Variants in KIF2A observed in about 807,000 individuals in gnomAD.
KIF2A encodes kinesin family member 2A.
KIF2A carries 22 observed loss-of-function variants against 100.2 expected under a neutral mutation model. The ratio of observed to expected loss-of-function variants is 0.22; its 90% CI spans 0.16 to 0.31. The LOEUF is 0.31. Ranked by LOEUF, KIF2A falls within the 10% of genes least tolerant of loss-of-function variation. KIF2A has a pLI of 1.00. For synonymous variants in KIF2A, 268 were observed against 285.9 expected, an observed-to-expected ratio of 0.94 and a Z score of 0.63; for missense variants, 495 against 898.7, an observed-to-expected ratio of 0.55 and a Z score of 5.74.
At chr5:62,363,533 G>A (rs1740916662) in intron 13 of KIF2A, among the ~76,000 whole-genome samples, 162 bp from the exon 14 acceptor site, 1 of 152,130 alleles carries the variant, frequency 6.6e-6, no homozygotes, top group Admixed American at 6.5e-5. Context: ...GTATGAATCT[G>A]GTTCTATTTA....
At chr5:62,372,963 G>A (rs978809625) in intron 17 of KIF2A, among the ~76,000 whole-genome samples, 5 of 151,908 alleles carry the variant, frequency 3.3e-5, no homozygotes, top group African/African-American at 1.2e-4. Flanking sequence ...TTGGCCGGGC[G>A]TGGTGGCTCA....
chr5:62,359,987 CT>C (rs879378376), intron 9 of KIF2A, among the ~76,000 whole-genome samples: 192 of 145,286 alleles, frequency 1.3e-3, no homozygotes, highest in Non-Finnish European at 1.5e-3. Flanking sequence ...TGTTTTCCAT[CT>C]TTTTTTTTTT....
At chr5:62,324,748 A>G (rs188386455) in intron 1 of KIF2A, among the ~76,000 whole-genome samples, 3 of 152,356 alleles carry the variant, frequency 2.0e-5, no homozygotes, top group East Asian at 3.9e-4. Context: ...ACCTCAAACT[A>G]TAAAACCACT....
Position 62,306,471 on chromosome 5 carries a change from T to A in KIF2A, c.-2T>A. On this transcript the variant is annotated 5_prime_UTR_variant, in exon 1 of 21. Coordinates refer to ENST00000407818, the MANE Select transcript of KIF2A (RefSeq NM_001098511.3). ...CCCGCTGCTGCTGCTCCAGATGAGG[T>A]GATGGCAACGGCCAACTTCGGCAAG... 6.6e-7 allele frequency: 1 copy of A among 1,517,640 alleles called. No homozygotes were observed. The highest frequency in any genetic ancestry group is 8.9e-7 in the Non-Finnish European group (1 of 1,129,652). 94.0% of individuals were successfully genotyped at this position (1,517,640 alleles called of 1,614,324 possible). A position where few individuals can be genotyped will look rare whatever the true frequency, so the allele number is the denominator to read the frequency against.
chr5:62,362,456 A>G lies in KIF2A; in HGVS notation c.1034A>G (p.Asp345Gly). 1 of 1,426,724 alleles carries G rather than the reference A, an allele frequency of 7.0e-7. No homozygotes were observed. Among genetic ancestry groups the G allele is most frequent in the Non-Finnish European group, 9.2e-7 (1 of 1,087,526 alleles). The allele number at this position is 1,426,724 out of a possible 1,614,324, so 88.4% of individuals were successfully genotyped here. A position where few individuals can be genotyped will look rare whatever the true frequency, so the allele number is the denominator to read the frequency against. Reference protein sequence around the residue: ...SKGIYALAARDVFLMLKKPNY... With the variant: ...SKGIYALAARGVFLMLKKPNY... ...TATATGAAATTTTTGACAGCTCGAG[A>G]TGTCTTTTTAATGCTAAAGAAGCCA... is the stretch of plus-strand genomic sequence containing the variant. The change falls in exon 12 of 21, where the codon GAT (aspartate) becomes GGT (glycine). Residue 345 changes from aspartate (D) to glycine (G), a missense_variant. Physicochemically the swap from Asp to Gly is moderately conservative, Grantham distance 94 (BLOSUM62 -1). Around this residue, in one of 10 missense-constraint regions of KIF2A, gnomAD observed 109 missense variants for 244.2 expected, o/e 0.45. Coordinates refer to ENST00000407818, the MANE Select transcript of KIF2A (RefSeq NM_001098511.3).
chr5:62,327,873 C>T (rs1489587916), intron 1 of KIF2A, among the ~76,000 whole-genome samples: 1 of 152,148 alleles, frequency 6.6e-6, no homozygotes, highest in African/African-American at 2.4e-5. Context: ...TAACATTGCA[C>T]TAACTGTTGA....
chr5:62,360,253 G>A (rs1033748428), intron 9 of KIF2A, among the ~76,000 whole-genome samples: 1 of 151,846 alleles, frequency 6.6e-6, no homozygotes, highest in Non-Finnish European at 1.5e-5. Flanking sequence ...GCCTCCCAAA[G>A]TGTTGGGATT....
intron 4 of KIF2A, among the ~76,000 whole-genome samples, chr5:62,350,926 G>A (rs1747821418): frequency 6.9e-6 from 1 of 145,872 alleles, no homozygotes; most frequent in Non-Finnish European, 1.5e-5. Context: ...AAAAAAAAAA[G>A]ATTTTTAAAA....
At chr5:62,361,377 TCTTTTC>T in intron 10 of KIF2A, 45 bp downstream of exon 10, 1 of 1,477,576 alleles carries the variant, frequency 6.8e-7, no homozygotes, top group Non-Finnish European at 9.5e-7. Context: ...AGCTACAGTT[TCTTTTC>T]CTTATAGCTT....
In KIF2A at chr5:62,306,388, T is replaced by TC; in HGVS notation, c.-82dup. ...CGCGGCCGCGGGCAACCGCTCCCCC[T>TC]CCCACACCTACCCCGCCCCCTCCCC... is the stretch of plus-strand genomic sequence containing the variant. On this transcript the variant is annotated 5_prime_UTR_variant, in exon 1 of 21. Coordinates refer to ENST00000407818, the MANE Select transcript of KIF2A (RefSeq NM_001098511.3). 1.9e-5 allele frequency: 7 copies of TC among 366,052 alleles called. No homozygotes were observed. Among genetic ancestry groups the TC allele is most frequent in the Admixed American group, 4.2e-5 (1 of 23,610 alleles). 22.7% of individuals were successfully genotyped at this position (366,052 alleles called of 1,614,324 possible).
intron 20 of KIF2A, among the ~76,000 whole-genome samples, chr5:62,381,962 T>TTGAC (rs1741790671): frequency 6.6e-6 from 1 of 152,218 alleles, no homozygotes; most frequent in Admixed American, 6.5e-5. Context: ...GTCGTGTCTT[T>TTGAC]TTGGTTTTTT....
chr5:62,316,970 T>A (rs1308717697), intron 1 of KIF2A, among the ~76,000 whole-genome samples: 1 of 152,196 alleles, frequency 6.6e-6, no homozygotes, highest in Non-Finnish European at 1.5e-5. Flanking sequence ...ATGCATAGTC[T>A]ATTGGCCAAT....
At position 62,386,808 on chromosome 5, in the gene KIF2A, A is replaced by G. The variant is rs912983054; in HGVS notation, c.*1239A>G. On this transcript the variant is annotated 3_prime_UTR_variant, in exon 21 of 21. Transcript: ENST00000407818. ...TGCTACTTTTTAAACAGCAGCACTTATTTTTACAGATTGCTACTCCAAGGA... is the reference window on the plus strand; with the variant it reads ...TGCTACTTTTTAAACAGCAGCACTTGTTTTTACAGATTGCTACTCCAAGGA... Among the ~76,000 whole-genome samples the G allele has an allele frequency of 2.0e-5, 3 of 152,194 alleles. No individual in the cohort carries two copies. The East Asian group carries it at 5.8e-4, about 29-fold the overall frequency.
In KIF2A at chr5:62,307,373, A is replaced by AT. The variant is rs555078087; in HGVS notation, c.64+848dup. On this transcript the variant is annotated intron_variant, in intron 1 of 20. Transcript: ENST00000407818. ...AAGGCGAGGTGAAGACACATGCTTC[A>AT]TTTTTTTTTTTAAGAGCCTTAGGCT... Among the ~76,000 whole-genome samples the AT allele has an allele frequency of 4.4e-4, 64 of 146,206 alleles. 1 individual carries two copies. The South Asian group carries it at 7.5e-3, about 17-fold the overall frequency.
chr5:62,359,553 G>C (rs778255160), intron 9 of KIF2A, among the ~76,000 whole-genome samples: 7 of 151,422 alleles, frequency 4.6e-5, no homozygotes, highest in Non-Finnish European at 8.8e-5. Context: ...GTTAATTGTA[G>C]AATTTTTTTT....
intron 1 of KIF2A, among the ~76,000 whole-genome samples, chr5:62,317,663 C>T (rs1170597500): frequency 6.6e-6 from 1 of 152,034 alleles, no homozygotes; most frequent in Non-Finnish European, 1.5e-5. Flanking sequence ...TTTTCTTTTC[C>T]TTTCTAGGGT....
At chr5:62,343,336 G>T (rs1028678483) in intron 1 of KIF2A, among the ~76,000 whole-genome samples, 2 of 152,056 alleles carry the variant, frequency 1.3e-5, no homozygotes, top group African/African-American at 4.8e-5. Flanking sequence ...TTAGTAAAAG[G>T]CACCACTATT....
At chr5:62,353,204 C>T (rs1471472732) in intron 5 of KIF2A, 71 bp from the exon 6 acceptor site, 1 of 734,000 alleles carries the variant, frequency 1.4e-6, no homozygotes, top group Non-Finnish European at 2.2e-6. Context: ...TGAAGTTATA[C>T]ATAAAAAAAG....
At chr5:62,341,983 T>C (rs1440095119) in intron 1 of KIF2A, among the ~76,000 whole-genome samples, 1 of 152,218 alleles carries the variant, frequency 6.6e-6, no homozygotes, top group East Asian at 1.9e-4. Context: ...CCACGGCCTC[T>C]TCATTTCCTG....
Sources: allele counts gnomAD v4.1 joint callset (sites outside exome capture counted in the v4.1 genomes callset), GRCh38; gene constraint gnomAD v4.1.1; regional missense constraint gnomAD v4.1.1; transcripts MANE v1.5; gene names NCBI Gene and HGNC (gene_info 2026-07-23, HGNC 2026-07-21).